Variants in GLT1D1 observed in about 807,000 individuals in gnomAD.
GLT1D1 encodes glycosyltransferase 1 domain containing 1, also known as glycosyltransferase 1 domain-containing protein 1.
In GLT1D1, 21 loss-of-function variants were observed where a neutral mutation model predicts 28.7. The observed-to-expected ratio is 0.73, with a 90% CI of 0.52 to 1.05. The LOEUF (loss-of-function observed/expected upper bound fraction) is 1.05. Ranked by LOEUF, GLT1D1 falls within the 50% of genes least tolerant of loss-of-function variation. GLT1D1 has a pLI of 0.00. For missense variants in GLT1D1, 343 were observed against 330.6 expected (o/e 1.04, Z -0.29); for synonymous variants, 147 against 124.8 (o/e 1.18, Z -1.19).
intron 7 of GLT1D1, among the ~76,000 whole-genome samples, chr12:128,971,154 C>CT (rs1234921059): frequency 6.6e-6 from 1 of 152,224 alleles, no homozygotes; most frequent in African/African-American, 2.4e-5. Context: ...CAAGTAGTCT[C>CT]TGACAGTTTC....
At position 128,942,743 on chromosome 12, in the gene GLT1D1, G is replaced by GT. The variant is rs1254764237; in HGVS notation, c.376-2578dup. On this transcript the variant is annotated intron_variant, in intron 4 of 7. Coordinates refer to ENST00000281703, the MANE Select transcript of GLT1D1 (RefSeq NM_144669.3). ...AGATTCCAATTTTCTTTGTTTGTTT[G>GT]TTTTTGTTTTTTGTTTTTTTTTTTT... is the stretch of plus-strand genomic sequence containing the variant. 4.3e-4 allele frequency among the ~76,000 whole-genome samples: 43 copies of GT among 100,894 alleles called. No homozygotes were observed. In the South Asian group the frequency reaches 0.011, roughly 25 times the overall value. 66.2% of individuals were successfully genotyped at this position (100,894 alleles called of 152,430 possible).
At chr12:128,939,742 C>T (rs1303505010) in intron 4 of GLT1D1, among the ~76,000 whole-genome samples, 5 of 151,860 alleles carry the variant, frequency 3.3e-5, no homozygotes, top group Non-Finnish European at 5.9e-5. Context: ...GGAGGAAAAG[C>T]GCGAGGCTGG....
At chr12:128,936,107 A>G (rs1874526081) in intron 4 of GLT1D1, among the ~76,000 whole-genome samples, 1 of 152,068 alleles carries the variant, frequency 6.6e-6, no homozygotes. Context: ...CGGTGCCTGG[A>G]ATAGTGCCTG....
rs1276939790 is a variant in GLT1D1, at chr12:128,876,064, T to C, written c.217+2T>C. 6.3e-7 allele frequency: 1 copy of C among 1,596,470 alleles called. No homozygotes were observed. The highest frequency in any genetic ancestry group is 1.4e-5 in the African/African-American group (1 of 73,790). ...ATAGGGGAGGCAGGCTTTTGCAAGG[T>C]AATCCTCTTTTTCTTCAAAAGTAAA... On this transcript the variant is annotated splice_donor_variant, in intron 2 of 7. Coordinates refer to ENST00000281703, the MANE Select transcript of GLT1D1 (RefSeq NM_144669.3). LOFTEE classifies it high-confidence loss of function.
intron 4 of GLT1D1, among the ~76,000 whole-genome samples, chr12:128,919,853 C>A (rs1326746134): frequency 1.3e-5 from 2 of 152,140 alleles, no homozygotes; most frequent in Non-Finnish European, 2.9e-5. Context: ...GGCTATCAAA[C>A]CTAAAACGTA....
At chr12:128,972,406 C>T (rs906346898) in intron 7 of GLT1D1, among the ~76,000 whole-genome samples, 1 of 152,196 alleles carries the variant, frequency 6.6e-6, no homozygotes, top group Non-Finnish European at 1.5e-5. Context: ...CCTCTCTGCT[C>T]ATGCTCCCTT....
rs1467274315 is a variant in GLT1D1, at chr12:128,874,122, CTCTCTTTCTT to C, written c.69-1788_69-1779del. Among the ~76,000 whole-genome samples, 567 of 58,782 alleles carry C rather than the reference CTCTCTTTCTT, an allele frequency of 9.6e-3. 10 individuals are homozygous for C. The highest frequency in any genetic ancestry group is 0.024 in the Middle Eastern group (2 of 84). 38.6% of individuals were successfully genotyped at this position (58,782 alleles called of 152,430 possible). A position where few individuals can be genotyped will look rare whatever the true frequency, so the allele number is the denominator to read the frequency against. On this transcript the variant is annotated intron_variant, in intron 1 of 7. Coordinates refer to ENST00000281703, the MANE Select transcript of GLT1D1 (RefSeq NM_144669.3). ...TTTCTCTCTCTCTCTCTCTCTCTCT[CTCTCTTTCTT>C]TCTTTCTTTCTTTCTTTCTTTCTTT...
At chr12:128,855,256 C>CAAA (rs1258698287) in intron 1 of GLT1D1, among the ~76,000 whole-genome samples, 33 of 131,638 alleles carry the variant, frequency 2.5e-4, no homozygotes, top group Middle Eastern at 4.2e-3. Flanking sequence ...ACAACAACAA[C>CAAA]AAAAAAAACA....
intron 1 of GLT1D1, among the ~76,000 whole-genome samples, chr12:128,856,645 T>C (rs1956231960): frequency 6.6e-6 from 1 of 152,114 alleles, no homozygotes; most frequent in East Asian, 1.9e-4. Flanking sequence ...CCAGGGTCAC[T>C]GGACTATAGA....
intron 3 of GLT1D1, among the ~76,000 whole-genome samples, chr12:128,895,555 C>G (rs1278003317): frequency 6.6e-6 from 1 of 151,398 alleles, no homozygotes; most frequent in East Asian, 1.9e-4. Flanking sequence ...CTCCTGGGTT[C>G]AAGCTATTCT....
intron 7 of GLT1D1, among the ~76,000 whole-genome samples, chr12:128,968,466 T>C (rs1250070992): frequency 2.1e-5 from 3 of 145,802 alleles, no homozygotes; most frequent in Non-Finnish European, 4.7e-5. Flanking sequence ...AGGTCAGGAG[T>C]TCGAGGCCAA....
At chr12:128,855,746 CTTT>C (rs34715979) in intron 1 of GLT1D1, among the ~76,000 whole-genome samples, 75 of 95,176 alleles carry the variant, frequency 7.9e-4, no homozygotes, top group East Asian at 3.6e-3. Flanking sequence ...TGCTGGTTGC[CTTT>C]TTTTTTTTTT....
At position 128,890,726 on chromosome 12, in the gene GLT1D1, C is replaced by T. The variant is rs145446777; in HGVS notation, c.323+1982C>T. 3.7e-3 allele frequency among the ~76,000 whole-genome samples: 558 copies of T among 150,942 alleles called. 7 individuals are homozygous for T. The highest frequency in any genetic ancestry group is 0.013 in the African/African-American group (538 of 41,068). ...CTTTAACCCAGGAGGTGGCCAGGTGCGGTGGCTCACACATGTAATCCCAGC... is the reference window on the plus strand; with the variant it reads ...CTTTAACCCAGGAGGTGGCCAGGTGTGGTGGCTCACACATGTAATCCCAGC... On this transcript the variant is annotated intron_variant, in intron 3 of 7. Coordinates refer to ENST00000281703, the MANE Select transcript of GLT1D1 (RefSeq NM_144669.3).
rs767856974 is a variant in GLT1D1 at position 128,937,669 on chromosome 12, C to T, written c.376-7657C>T. On this transcript the variant is annotated intron_variant, in intron 4 of 7. Transcript: ENST00000281703. ...TTCAGTTGCAATCCCGTGATCTCCA[C>T]GTGTCATGGGAGGTAGTTTAATCAT... Among the ~76,000 whole-genome samples the T allele has an allele frequency of 7.2e-5, 11 of 152,092 alleles. No homozygotes were observed. In the East Asian group the frequency reaches 7.7e-4, roughly 11 times the overall value.
intron 6 of GLT1D1, among the ~76,000 whole-genome samples, chr12:128,955,599 C>T (rs1028328625): frequency 6.6e-6 from 1 of 151,928 alleles, no homozygotes; most frequent in African/African-American, 2.4e-5. Context: ...TCCCCCAACC[C>T]AGCTCCCCAT....
chr12:128,907,335 T>C (rs957076802), intron 4 of GLT1D1, among the ~76,000 whole-genome samples: 4 of 146,666 alleles, frequency 2.7e-5, no homozygotes, highest in Admixed American at 1.4e-4. Context: ...AGACCGAGTC[T>C]CGCTTTGTTG....
At chr12:128,914,862 A>T in intron 4 of GLT1D1, 71 bp from the exon 6 acceptor site, 1 of 1,050,402 alleles carries the variant, frequency 9.5e-7, no homozygotes, top group South Asian at 1.4e-5. Context: ...AAGCCTCAAC[A>T]CAAAATAACT....
Position 128,955,253 on chromosome 12 carries a change from C to T in GLT1D1, c.541-2292C>T, listed in dbSNP as rs1162273334. On this transcript the variant is annotated intron_variant, in intron 6 of 7. Coordinates refer to ENST00000281703, the MANE Select transcript of GLT1D1 (RefSeq NM_144669.3). ...ACAGCAAATACCTGTGTACCCTTCA[C>T]CCACGTTCATCCTCCTGCTTCCTCT... Among the ~76,000 whole-genome samples, 3 of 152,158 alleles carry T rather than the reference C, an allele frequency of 2.0e-5. No individual in the cohort carries two copies. The East Asian group carries it at 5.8e-4, about 29-fold the overall frequency.
At chr12:128,980,772 C>G (rs1880238427) in intron 7 of GLT1D1, among the ~76,000 whole-genome samples, 1 of 152,256 alleles carries the variant, frequency 6.6e-6, no homozygotes. Flanking sequence ...GCATCACTTC[C>G]GATATATCCT....
Sources: gnomAD v4.1 joint callset for allele counts (sites outside exome capture counted in the v4.1 genomes callset) on GRCh38, gnomAD v4.1.1 for gene constraint, MANE v1.5 for transcripts, NCBI Gene and HGNC (gene_info 2026-07-23, HGNC 2026-07-21) for gene names.